Variants in TRIM28 observed in about 807,000 individuals in gnomAD.
The protein encoded by TRIM28 is tripartite motif containing 28, also known as transcription intermediary factor 1-beta.
Under a neutral mutation model 87.4 loss-of-function variants are expected in TRIM28, and 8 were observed. That is an observed-to-expected ratio of 0.09 (90% CI 0.05 to 0.17). TRIM28 has a LOEUF of 0.17. Among genes scored for constraint, TRIM28 ranks in the 10% least tolerant of loss-of-function variants. The probability of loss-of-function intolerance (pLI) is 1.00; values close to 1 mark genes in which losing one functional copy is unlikely to be tolerated. For synonymous variants in TRIM28, 601 were observed against 454.3 expected (o/e 1.32, Z -4.11); for missense variants, 968 against 1,131.8 (o/e 0.86, Z 2.08).
In TRIM28 at chr19:58,550,696, T is replaced by G; in HGVS notation, c.*143T>G. 1 of 881,996 alleles carries G rather than the reference T, an allele frequency of 1.1e-6. No homozygotes were observed. The highest frequency in any genetic ancestry group is 1.7e-6 in the Non-Finnish European group (1 of 595,022). 54.6% of individuals were successfully genotyped at this position (881,996 alleles called of 1,614,324 possible). A position where few individuals can be genotyped will look rare whatever the true frequency, so the allele number is the denominator to read the frequency against. On this transcript the variant is annotated 3_prime_UTR_variant, in exon 17 of 17. Transcript: ENST00000253024. Reference sequence around the variant, plus strand: ...GATATGGTTTTTACTTCTGTGGATTTAATAAAAACTTCACCAGTTCCTCAG... The same window carrying G: ...GATATGGTTTTTACTTCTGTGGATTGAATAAAAACTTCACCAGTTCCTCAG...
chr19:58,550,124 G>GTA, intron 15 of TRIM28, 23 bp from the exon 16 acceptor site: 1 of 1,613,762 alleles, frequency 6.2e-7, no homozygotes, highest in Non-Finnish European at 8.5e-7. Context: ...CTTTGTGTGT[G>GTA]TATGTGTGAT....
chr19:58,545,360 G>A (rs1228012716), intron 1 of TRIM28, 65 bp from the exon 2 acceptor site: 3 of 1,320,578 alleles, frequency 2.3e-6, no homozygotes, highest in Non-Finnish European at 3.2e-6. Flanking sequence ...CCCAGCAGGG[G>A]AATGGTGGGG....
Position 58,544,719 on chromosome 19 carries a change from G to GC in TRIM28, c.-35dup, listed in dbSNP as rs2053743703. 8.4e-6 allele frequency: 8 copies of GC among 954,262 alleles called. No homozygotes were observed. Among genetic ancestry groups the GC allele is most frequent in the Admixed American group, 5.8e-5 (1 of 17,222 alleles). The allele number at this position is 954,262 out of a possible 1,614,324, so 59.1% of individuals were successfully genotyped here. On this transcript the variant is annotated 5_prime_UTR_variant, in exon 1 of 17. Transcript: ENST00000253024. The stretch of plus-strand genomic sequence containing the variant: ...TCTGCGCCTGCGCGGCGGGCCCCGC[G>GC]CCCCTCCTCCCCCCCTGGGCGCCCC...
chr19:58,545,608 C>T, intron 2 of TRIM28, 71 bp downstream of exon 2: 1 of 1,474,624 alleles, frequency 6.8e-7, no homozygotes, highest in Non-Finnish European at 9.4e-7. Context: ...AGCTTGGCAC[C>T]AGCTCCAGGC....
At position 58,550,256 on chromosome 19, in the gene TRIM28, T is replaced by C. The variant is rs376584802; in HGVS notation, c.2303T>C (p.Met768Thr). 3.7e-6 allele frequency: 6 copies of C among 1,613,954 alleles called. No individual in the cohort carries two copies. The highest frequency in any genetic ancestry group is 2.2e-5 in the East Asian group (1 of 44,890). Residue 768 changes from methionine (M) to threonine (T), a missense_variant, in exon 16 of 17, where the codon ATG (methionine) becomes ACG (threonine). Physicochemically the swap from Met to Thr is moderately conservative, Grantham distance 81. Transcript: ENST00000253024. ...GAGTTTGCCCAGGATGTGGGCCGCA[T>C]GTTCAAGCAATTCAACAAGTTAACT... ...PQEFAQDVGR[M>T]FKQFNKLTED...
chr19:58,544,192 G>A lies in TRIM28; in HGVS notation c.-566G>A, dbSNP rs1422499868. 1 of 152,336 alleles carries A rather than the reference G, an allele frequency of 6.6e-6. No homozygotes were observed. The highest frequency in any genetic ancestry group is 6.5e-5 in the Admixed American group (1 of 15,288). 9.4% of individuals were successfully genotyped at this position (152,336 alleles called of 1,614,324 possible). A position where few individuals can be genotyped will look rare whatever the true frequency, so the allele number is the denominator to read the frequency against. On this transcript the variant is annotated 5_prime_UTR_variant, in exon 1 of 17. Coordinates refer to ENST00000253024, the MANE Select transcript of TRIM28 (RefSeq NM_005762.3). ...TGTGGTCTGGAGGTGGAGCTGAGAG[G>A]GGAATCACACTCTATAAAGGTTCGC...
At chr19:58,545,648 G>T in intron 2 of TRIM28, 111 bp downstream of exon 2, 1 of 1,513,636 alleles carries the variant, frequency 6.6e-7, no homozygotes, top group Non-Finnish European at 9.0e-7. Flanking sequence ...GGCTCTGGGT[G>T]GGCTGCCTAG....
intron 2 of TRIM28, 78 bp from the exon 3 acceptor site, chr19:58,545,686 T>G: frequency 5.1e-6 from 8 of 1,566,122 alleles, no homozygotes; most frequent in South Asian, 1.1e-5. Flanking sequence ...ATCTTAAATC[T>G]CCGGTTGTAT....
chr19:58,548,203 C>G (rs565574021), intron 7 of TRIM28, 23 bp downstream of exon 7: 2 of 1,613,572 alleles, frequency 1.2e-6, no homozygotes, highest in Admixed American at 3.3e-5. Context: ...GGGCTCCTGG[C>G]TGGTGGGTTC....
At position 58,549,886 on chromosome 19, in the gene TRIM28, G is replaced by T. The variant is rs757648386; in HGVS notation, c.2106+26G>T. 2.9e-5 allele frequency: 46 copies of T among 1,613,468 alleles called. No individual in the cohort carries two copies. Among genetic ancestry groups the T allele is most frequent in the Non-Finnish European group, 3.6e-5 (43 of 1,179,560 alleles). ...GTGAGGGCTGGGGTTACTTAGGTGG[G>T]GTTGCCCAGAGAGGCTTTATAGGTG... On this transcript the variant is annotated intron_variant, in intron 14 of 16. Transcript: ENST00000253024. The surrounding 1 kb of genome is among the most constrained non-coding windows in gnomAD (Gnocchi z 4.4).
At chr19:58,545,988 C>T (rs540449718) in intron 3 of TRIM28, 92 bp downstream of exon 3, 2 of 1,460,320 alleles carry the variant, frequency 1.4e-6, no homozygotes, top group African/African-American at 1.4e-5. Context: ...TGGATGGGTC[C>T]TAGAGTTCTC....
rs2053766973 is a variant in TRIM28, at chr19:58,547,022, C to CCAAGAA, written c.587-352_587-351insAGAACA. On this transcript the variant is annotated intron_variant, in intron 3 of 16. Coordinates refer to ENST00000253024, the MANE Select transcript of TRIM28 (RefSeq NM_005762.3). The stretch of plus-strand genomic sequence containing the variant: ...TGTGTAGGCAGAATTCTGAGTATGT[C>CCAAGAA]CACTTGGAGAAGTGTTCAGTAAAGG... The CCAAGAA allele has an allele frequency of 1.5e-5, 3 of 205,024 alleles. No individual in the cohort carries two copies. In the Admixed American group the frequency reaches 1.7e-4, roughly 12 times the overall value. 12.7% of individuals were successfully genotyped at this position (205,024 alleles called of 1,614,324 possible).
Position 58,550,052 on chromosome 19 carries a change from G to GA in TRIM28, c.2193+20dup. On this transcript the variant is annotated intron_variant, in intron 15 of 16. Transcript: ENST00000253024. ...TTCTCCCTGGTGAGTCCTAGGATGG[G>GA]AAAGGGGAAGGGGGTGGTGGCTGCT... 6.2e-7 allele frequency: 1 copy of GA among 1,613,972 alleles called. No individual in the cohort carries two copies. The highest frequency in any genetic ancestry group is 8.5e-7 in the Non-Finnish European group (1 of 1,179,954).
intron 1 of TRIM28, 65 bp downstream of exon 1, chr19:58,545,162 A>T: frequency 7.5e-7 from 1 of 1,341,704 alleles, no homozygotes; most frequent in Non-Finnish European, 9.8e-7. Flanking sequence ...GACTGGGTGC[A>T]GAGATGAGGA....
At position 58,548,529 on chromosome 19, in the gene TRIM28, T is replaced by C. The variant is rs757544008; in HGVS notation, c.1260T>C (p.Pro420=). The change falls in exon 9 of 17, where the codon CCT becomes CCC. Residue 420 remains proline (P), a synonymous_variant. Coordinates refer to ENST00000253024, the MANE Select transcript of TRIM28 (RefSeq NM_005762.3). ...AERPGTNSTG[P]APMAPPRAPG... ...GTCCTGGCACTAACTCAACAGGCCC[T>C]GCACCCATGGCCCCTCCAAGAGCCC... is the stretch of plus-strand genomic sequence containing the variant. 7 of 1,613,992 alleles carry C rather than the reference T, an allele frequency of 4.3e-6. No homozygotes were observed. The South Asian group carries it at 6.6e-5, about 15-fold the overall frequency.
Position 58,549,978 on chromosome 19 carries a change from C to A in TRIM28, c.2136C>A (p.Phe712Leu), listed in dbSNP as rs750985835. 3 of 1,614,094 alleles carry A rather than the reference C, an allele frequency of 1.9e-6. No homozygotes were observed. The highest frequency in any genetic ancestry group is 2.2e-5 in the East Asian group (1 of 44,874). The change falls in exon 15 of 17, where the codon TTC becomes TTA. Residue 712 changes from phenylalanine (F) to leucine (L), a missense_variant. Phe to Leu is a conservative substitution (Grantham distance 22, BLOSUM62 0). Around this residue, in one of 11 missense-constraint regions of TRIM28, gnomAD observed 192 missense variants for 225.6 expected, o/e 0.85. Transcript: ENST00000253024. The surrounding 1 kb of genome is among the most constrained non-coding windows in gnomAD (Gnocchi z 4.4). ...GTGAGCGTGTACTGCTGGCCCTATTCTGTCACGAACCCTGCCGCCCCCTGC... is the reference window on the plus strand; with the variant it reads ...GTGAGCGTGTACTGCTGGCCCTATTATGTCACGAACCCTGCCGCCCCCTGC... ...RKCERVLLAL[F>L]CHEPCRPLHQ...
At position 58,544,811 on chromosome 19, in the gene TRIM28, C is replaced by T; in HGVS notation, c.54C>T (p.Gly18=). The T allele has an allele frequency of 1.6e-6, 2 of 1,226,872 alleles. No homozygotes were observed. Among genetic ancestry groups the T allele is most frequent in the African/African-American group, 1.6e-5 (1 of 63,096 alleles). 76.0% of individuals were successfully genotyped at this position (1,226,872 alleles called of 1,614,324 possible). Residue 18 remains glycine, a synonymous_variant, in exon 1 of 17, where the codon GGC becomes GGT. Transcript: ENST00000253024. ...ASAAAASAAS[G]SPGPGEGSAG... is the part of the protein sequence containing the mutation. Reference sequence around the variant, plus strand: ...CAGCAGCGGCCTCGGCCGCCTCTGGCAGCCCGGGCCCGGGCGAGGGCTCCG... The same window carrying T: ...CAGCAGCGGCCTCGGCCGCCTCTGGTAGCCCGGGCCCGGGCGAGGGCTCCG...
In TRIM28 at chr19:58,544,657, GGCGGCGGCA is replaced by G. The variant is rs1043564348; in HGVS notation, c.-95_-87del. The G allele has an allele frequency of 2.4e-6, 1 of 424,294 alleles. No individual in the cohort carries two copies. The highest frequency in any genetic ancestry group is 2.2e-5 in the African/African-American group (1 of 45,896). 26.3% of individuals were successfully genotyped at this position (424,294 alleles called of 1,614,324 possible). On this transcript the variant is annotated 5_prime_UTR_variant, in exon 1 of 17. Transcript: ENST00000253024. The stretch of plus-strand genomic sequence containing the variant: ...TGGCGGCGCTCGGCCTCGCGGCGGC[GGCGGCGGCA>G]GCGGCCCAGCAGTTGGCGGCGAGCG...
rs754616610 is a variant in TRIM28, at chr19:58,549,770, C to G, written c.2016C>G (p.Leu672=). ...EEWSCSLCHV[L]PDLKEEDGSL... ...GGAGCTGCTCACTCTGCCATGTGCTCCCTGACCTGAAGGAGGAGGATGGCA... is the reference window on the plus strand; with the variant it reads ...GGAGCTGCTCACTCTGCCATGTGCTGCCTGACCTGAAGGAGGAGGATGGCA... The change falls in exon 14 of 17, where the codon CTC becomes CTG. Residue 672 remains leucine, a synonymous_variant. Transcript: ENST00000253024. The surrounding 1 kb of genome is among the most constrained non-coding windows in gnomAD (Gnocchi z 4.4). The G allele has an allele frequency of 6.2e-7, 1 of 1,612,014 alleles. No individual in the cohort carries two copies. Among genetic ancestry groups the G allele is most frequent in the South Asian group, 1.1e-5 (1 of 90,964 alleles).
Sources: allele counts gnomAD v4.1 joint callset, GRCh38; gene constraint gnomAD v4.1.1; regional missense constraint gnomAD v4.1.1; non-coding constraint Gnocchi (gnomAD v3.1); transcripts MANE v1.5; gene names NCBI Gene and HGNC (gene_info 2026-07-23, HGNC 2026-07-21).